ATRNL1: variants seen among roughly 807,000 people sequenced by gnomAD.
ATRNL1 encodes attractin-like protein 1.
Under a neutral mutation model 182.7 loss-of-function variants are expected in ATRNL1, and 95 were observed. The ratio of observed to expected loss-of-function variants is 0.52; its 90% CI spans 0.44 to 0.62. ATRNL1 has a LOEUF of 0.62. Among genes scored for constraint, ATRNL1 ranks in the 20% least tolerant of loss-of-function variants. ATRNL1 has a pLI of 0.00. For synonymous variants in ATRNL1, 576 were observed against 568.3 expected, an observed-to-expected ratio of 1.01 and a Z score of -0.19; for missense variants, 1,471 against 1,679.5, an observed-to-expected ratio of 0.88 and a Z score of 2.17.
chr10:115,828,060 G>A (rs1414305669), intron 27 of ATRNL1, among the ~76,000 whole-genome samples: 2 of 152,122 alleles, frequency 1.3e-5, no homozygotes, highest in African/African-American at 4.8e-5. Context: ...GCTCACGCCT[G>A]TAATCCCAGC....
chr10:115,769,848 A>G (rs916533671), intron 27 of ATRNL1, among the ~76,000 whole-genome samples: 1 of 152,140 alleles, frequency 6.6e-6, no homozygotes, highest in African/African-American at 2.4e-5. Flanking sequence ...AGTAGATCTT[A>G]TTACTCTTAT....
At chr10:115,814,271 A>C (rs569953081) in intron 27 of ATRNL1, among the ~76,000 whole-genome samples, 1 of 152,272 alleles carries the variant, frequency 6.6e-6, no homozygotes, top group Admixed American at 6.5e-5. Context: ...ACTGTATTGA[A>C]GAAAATATCA....
intron 28 of ATRNL1, among the ~76,000 whole-genome samples, chr10:115,935,683 C>A (rs1953535340): frequency 6.6e-6 from 1 of 152,044 alleles, no homozygotes; most frequent in Admixed American, 6.6e-5. Context: ...AGCTTCCTGA[C>A]CCACTTCAAC....
At chr10:115,794,187 C>T (rs2134218367) in intron 27 of ATRNL1, among the ~76,000 whole-genome samples, 1 of 152,190 alleles carries the variant, frequency 6.6e-6, no homozygotes, top group Admixed American at 6.5e-5. Context: ...GTATGCATGC[C>T]TGTTTTTAAA....
At chr10:115,426,354 T>G in intron 21 of ATRNL1, 52 bp downstream of exon 21, 1 of 1,337,098 alleles carries the variant, frequency 7.5e-7, no homozygotes, top group Non-Finnish European at 1.1e-6. Flanking sequence ...ACTATTAGTT[T>G]CAAATAATAA....
chr10:115,290,903 A>C (rs1554920627), intron 15 of ATRNL1, among the ~76,000 whole-genome samples: 1 of 152,212 alleles, frequency 6.6e-6, no homozygotes, highest in East Asian at 1.9e-4. Context: ...TATTATGTAG[A>C]TGGGTTCTCT....
intron 26 of ATRNL1, among the ~76,000 whole-genome samples, chr10:115,564,576 G>A (rs7476664): frequency 0.052 from 7,848 of 151,742 alleles, 612 homozygotes; most frequent in African/African-American, 0.18. Context: ...AATAAACATG[G>A]AAAGTTTGCT....
intron 28 of ATRNL1, among the ~76,000 whole-genome samples, chr10:115,859,850 AT>A (rs1951271600): frequency 6.6e-6 from 1 of 152,154 alleles, no homozygotes. Flanking sequence ...TAAAAGGTAA[AT>A]GTTGATTACA....
At position 115,153,360 on chromosome 10, in the gene ATRNL1, G is replaced by C. The variant is rs370137455; in HGVS notation, c.830-6680G>C. Among the ~76,000 whole-genome samples the C allele has an allele frequency of 2.0e-3, 306 of 152,186 alleles. 2 individuals carry two copies. Among genetic ancestry groups the C allele is most frequent in the South Asian group, 0.011 (53 of 4,818 alleles). ...TGTGTCTGGTCCTGGACATTTTTTG[G>C]TTGGTAAGCTATTAATTATTGCCTC... On this transcript the variant is annotated intron_variant, in intron 5 of 28. Coordinates refer to ENST00000355044, the MANE Select transcript of ATRNL1 (RefSeq NM_207303.4).
chr10:115,393,551 CAGT>C (rs1844138436), intron 19 of ATRNL1, among the ~76,000 whole-genome samples: 1 of 152,076 alleles, frequency 6.6e-6, no homozygotes, highest in Non-Finnish European at 1.5e-5. Flanking sequence ...ACAAGAACAG[CAGT>C]AGTTCTCATT....
At position 115,241,600 on chromosome 10, in the gene ATRNL1, G is replaced by C. The variant is rs782547680; in HGVS notation, c.1562G>C (p.Arg521Thr). The change falls in exon 10 of 29, where the codon AGA becomes ACA. Residue 521 changes from arginine to threonine, a missense_variant. Around this residue, in one of 3 missense-constraint regions of ATRNL1, gnomAD observed 1,031 missense variants for 1,156.0 expected, o/e 0.89. Transcript: ENST00000355044. Reference protein sequence around the residue: ...WTILKESGFARYLHSAVLING... With the variant: ...WTILKESGFATYLHSAVLING... ...ATTTTGAAAGAAAGTGGGTTTGCCA[G>C]ATACCTTCATTCAGCTGTTCTTATC... 3.7e-6 allele frequency: 6 copies of C among 1,608,154 alleles called. No individual in the cohort carries two copies. The Admixed American group carries it at 1.0e-4, about 27-fold the overall frequency.
chr10:115,859,159 A>C (rs1431816833), intron 28 of ATRNL1, among the ~76,000 whole-genome samples: 2 of 151,458 alleles, frequency 1.3e-5, no homozygotes, highest in African/African-American at 4.9e-5. Flanking sequence ...AAAACCCCCC[A>C]CCTCCAAATA....
intron 27 of ATRNL1, among the ~76,000 whole-genome samples, chr10:115,832,535 G>T (rs575552410): frequency 1.9e-4 from 29 of 152,108 alleles, no homozygotes; most frequent in Non-Finnish European, 4.0e-4. Flanking sequence ...GAACTACAAC[G>T]TATGCGTCTG....
At chr10:115,564,715 C>A (rs1555001062) in intron 26 of ATRNL1, among the ~76,000 whole-genome samples, 1 of 151,950 alleles carries the variant, frequency 6.6e-6, no homozygotes, top group African/African-American at 2.4e-5. Flanking sequence ...ATTCTCTCCT[C>A]TCTATAGCCA....
At chr10:115,838,730 A>G (rs1208981555) in intron 27 of ATRNL1, among the ~76,000 whole-genome samples, 1 of 152,166 alleles carries the variant, frequency 6.6e-6, no homozygotes, top group Non-Finnish European at 1.5e-5. Context: ...ATACTAAATT[A>G]TGTTTAATAT....
intron 27 of ATRNL1, among the ~76,000 whole-genome samples, chr10:115,824,194 A>G (rs782685522): frequency 3.9e-5 from 6 of 152,232 alleles, no homozygotes; most frequent in Admixed American, 3.9e-4. Flanking sequence ...TCCCTATTTA[A>G]TAAATGTTGT....
At chr10:115,795,270 T>C (rs1256804233) in intron 27 of ATRNL1, among the ~76,000 whole-genome samples, 1 of 152,220 alleles carries the variant, frequency 6.6e-6, no homozygotes, top group East Asian at 1.9e-4. Flanking sequence ...GTCTATATAC[T>C]GAACACCATG....
chr10:115,682,666 A>AT (rs1946086070), intron 26 of ATRNL1, among the ~76,000 whole-genome samples: 4 of 147,086 alleles, frequency 2.7e-5, no homozygotes, highest in African/African-American at 1.1e-4. Flanking sequence ...AATAGATAAT[A>AT]CATATGATGA....
chr10:115,782,763 A>G (rs558854411), intron 27 of ATRNL1, among the ~76,000 whole-genome samples: 107 of 152,316 alleles, frequency 7.0e-4, no homozygotes, highest in African/African-American at 2.5e-3. Context: ...AAATGTCTTG[A>G]ATGGTGACTT....
Sources: gnomAD v4.1 joint callset for allele counts (sites outside exome capture counted in the v4.1 genomes callset) on GRCh38, gnomAD v4.1.1 for gene constraint, gnomAD v4.1.1 regional missense constraint, MANE v1.5 for transcripts, NCBI Gene and HGNC (gene_info 2026-07-23, HGNC 2026-07-21) for gene names.